Variants in XKR6 observed in about 807,000 individuals in gnomAD.
XKR6 encodes the protein XK-related protein 6.
Under a neutral mutation model 56.7 loss-of-function variants are expected in XKR6, and 22 were observed. That is an observed-to-expected ratio of 0.39 (90% CI 0.28 to 0.55). The LOEUF (loss-of-function observed/expected upper bound fraction) is 0.55, where lower values mean the gene tolerates loss of function less well. Among genes scored for constraint, XKR6 ranks in the 20% least tolerant of loss-of-function variants. The pLI, the probability that XKR6 is intolerant of heterozygous loss-of-function variation, is 0.66. For synonymous variants in XKR6, 524 were observed against 387.8 expected, an observed-to-expected ratio of 1.35 and a Z score of -4.13; for missense variants, 852 against 889.0, an observed-to-expected ratio of 0.96 and a Z score of 0.53.
chr8:11,181,913 C>T (rs1402728372), intron 1 of XKR6, among the ~76,000 whole-genome samples: 1 of 151,848 alleles, frequency 6.6e-6, no homozygotes, highest in Non-Finnish European at 1.5e-5. Flanking sequence ...AGTGCAGTGG[C>T]GAGATCTCAG....
intron 1 of XKR6, among the ~76,000 whole-genome samples, chr8:10,933,521 A>G (rs1801127371): frequency 7.9e-6 from 1 of 126,692 alleles, no homozygotes; most frequent in Non-Finnish European, 1.7e-5. Flanking sequence ...TAGGGTTTTT[A>G]TGGTTTTAGG....
At chr8:10,966,131 A>T (rs1006239137) in intron 1 of XKR6, among the ~76,000 whole-genome samples, 1 of 152,202 alleles carries the variant, frequency 6.6e-6, no homozygotes, top group Non-Finnish European at 1.5e-5. Context: ...AGCGGTTCTC[A>T]AACCTCGGGT....
chr8:10,969,859 C>T lies in XKR6; in HGVS notation c.765-45029G>A, dbSNP rs562413716. 3.5e-4 allele frequency among the ~76,000 whole-genome samples: 54 copies of T among 152,334 alleles called. 1 individual carries two copies. In the Middle Eastern group the frequency reaches 0.02, roughly 58 times the overall value. On this transcript the variant is annotated intron_variant, in intron 1 of 2. Coordinates refer to ENST00000416569, the MANE Select transcript of XKR6 (RefSeq NM_173683.4). ...TCACCTGCCTGGGGTGGTTTATTTG[C>T]AGTGCAGCCCGAAGATGGGATATGC...
chr8:11,134,557 T>C (rs1800283445), intron 1 of XKR6, among the ~76,000 whole-genome samples: 1 of 152,124 alleles, frequency 6.6e-6, no homozygotes, highest in Non-Finnish European at 1.5e-5. Flanking sequence ...TTTGTTAAGA[T>C]TTTTAGGAAA....
intron 1 of XKR6, among the ~76,000 whole-genome samples, chr8:11,167,242 G>A (rs981730479): frequency 1.3e-5 from 2 of 152,186 alleles, no homozygotes; most frequent in African/African-American, 2.4e-5. Flanking sequence ...ACTGAACACT[G>A]AATCAAGAAC....
At chr8:11,023,595 G>C (rs148916778) in intron 1 of XKR6, among the ~76,000 whole-genome samples, 1 of 152,174 alleles carries the variant, frequency 6.6e-6, no homozygotes, top group South Asian at 2.1e-4. Flanking sequence ...TTCTATCTTA[G>C]AATCTGTGGG....
At chr8:10,933,438 T>C (rs1801124289) in intron 1 of XKR6, among the ~76,000 whole-genome samples, 1 of 124,206 alleles carries the variant, frequency 8.1e-6, no homozygotes, top group Non-Finnish European at 1.7e-5. Context: ...TTGGTTGCCA[T>C]TGCTTTTGGT....
chr8:11,140,762 G>T (rs1009958892), intron 1 of XKR6, among the ~76,000 whole-genome samples: 5 of 152,058 alleles, frequency 3.3e-5, no homozygotes, highest in Admixed American at 6.5e-5. Flanking sequence ...GCCAGGCATG[G>T]TGGTGGGCGC....
At chr8:11,025,557 T>A (rs888178897) in intron 1 of XKR6, among the ~76,000 whole-genome samples, 3 of 152,126 alleles carry the variant, frequency 2.0e-5, no homozygotes, top group Admixed American at 6.5e-5. Flanking sequence ...ACACAACTAA[T>A]GCCAGGCTTG....
At chr8:10,967,304 G>C (rs917337484) in intron 1 of XKR6, among the ~76,000 whole-genome samples, 3 of 152,190 alleles carry the variant, frequency 2.0e-5, no homozygotes, top group African/African-American at 7.2e-5. Flanking sequence ...GATGACACCT[G>C]AGTTGCTTCA....
chr8:10,920,896 C>T (rs1320238046), intron 2 of XKR6, among the ~76,000 whole-genome samples: 2 of 152,258 alleles, frequency 1.3e-5, no homozygotes, highest in African/African-American at 4.8e-5. Flanking sequence ...TGAGAAACAC[C>T]CATTCCACAT....
intron 1 of XKR6, among the ~76,000 whole-genome samples, chr8:11,179,815 G>A (rs182658264): frequency 2.0e-5 from 3 of 152,168 alleles, no homozygotes; most frequent in East Asian, 3.9e-4. Flanking sequence ...TTTACCAAGG[G>A]AGAAAACAGA....
At chr8:10,903,484 G>T (rs947384115) in intron 2 of XKR6, among the ~76,000 whole-genome samples, 4 of 152,254 alleles carry the variant, frequency 2.6e-5, no homozygotes, top group African/African-American at 9.6e-5. Flanking sequence ...GAAGGGCCTG[G>T]GGAGGTAGGT....
chr8:10,953,816 T>C (rs1414135936), intron 1 of XKR6, among the ~76,000 whole-genome samples: 9 of 152,220 alleles, frequency 5.9e-5, no homozygotes, highest in African/African-American at 2.2e-4. Flanking sequence ...AGCTGCTACC[T>C]GTTCTTCCAT....
chr8:10,993,312 C>T (rs190370332), intron 1 of XKR6, among the ~76,000 whole-genome samples: 1 of 152,208 alleles, frequency 6.6e-6, no homozygotes, highest in East Asian at 1.9e-4. Context: ...GCCCTGCAGT[C>T]AGGAAGCCAA....
rs571242606 is a variant in XKR6 at position 11,048,304 on chromosome 8, G to A, written c.765-123474C>T. On this transcript the variant is annotated intron_variant, in intron 1 of 2. Coordinates refer to ENST00000416569, the MANE Select transcript of XKR6 (RefSeq NM_173683.4). ...GCCTGCAGTTCTGAAACATCAAGCT[G>A]TTTAGGGCAGACGACTCAGGAAGGA... Among the ~76,000 whole-genome samples the A allele has an allele frequency of 6.6e-5, 10 of 152,244 alleles. No individual in the cohort carries two copies. In the East Asian group the frequency reaches 1.9e-3, roughly 29 times the overall value.
intron 1 of XKR6, among the ~76,000 whole-genome samples, chr8:10,929,377 G>C (rs1800993591): frequency 6.6e-6 from 1 of 152,244 alleles, no homozygotes; most frequent in Non-Finnish European, 1.5e-5. Context: ...GCAAACTGAA[G>C]CACTGAGGTT....
intron 1 of XKR6, among the ~76,000 whole-genome samples, chr8:11,004,147 C>T (rs1397971926): frequency 6.6e-6 from 1 of 152,106 alleles, no homozygotes; most frequent in African/African-American, 2.4e-5. Context: ...GAGTCTTGGG[C>T]TGGGGCAGTG....
chr8:11,126,990 C>G (rs2116878882), intron 1 of XKR6, among the ~76,000 whole-genome samples: 1 of 152,264 alleles, frequency 6.6e-6, no homozygotes, highest in East Asian at 1.9e-4. Context: ...ATCAAAGCAA[C>G]TGGTCATCTA....
Sources: allele counts gnomAD v4.1 joint callset (sites outside exome capture counted in the v4.1 genomes callset), GRCh38; gene constraint gnomAD v4.1.1; transcripts MANE v1.5; gene names NCBI Gene and HGNC (gene_info 2026-07-23, HGNC 2026-07-21).